Variants in AGPAT4 observed in about 807,000 individuals in gnomAD.
AGPAT4 encodes the protein 1-acylglycerol-3-phosphate O-acyltransferase 4.
Under a neutral mutation model 48.0 loss-of-function variants are expected in AGPAT4, and 15 were observed. The observed-to-expected ratio is 0.31, with a 90% CI of 0.21 to 0.48. AGPAT4 has a LOEUF of 0.48. AGPAT4 is among the 20% of genes least tolerant of loss of function. The pLI is 0.99. For missense variants in AGPAT4, 314 were observed against 482.5 expected (o/e 0.65, Z 3.27); for synonymous variants, 178 against 198.7 (o/e 0.90, Z 0.88).
rs372512632 is a variant in AGPAT4 at position 161,236,002 on chromosome 6, C to A, written c.-89-3700G>T. 2.8e-4 allele frequency among the ~76,000 whole-genome samples: 43 copies of A among 152,112 alleles called. No individual in the cohort carries two copies. Among genetic ancestry groups the A allele is most frequent in the African/African-American group, 9.7e-4 (40 of 41,402 alleles). Reference sequence around the variant, plus strand: ...GGCAATTAGCCAATTTCATGTCATGCCGAGGAAAGATGGTATAAATATCTG... The same window carrying A: ...GGCAATTAGCCAATTTCATGTCATGACGAGGAAAGATGGTATAAATATCTG... On this transcript the variant is annotated intron_variant, in intron 1 of 8. Transcript: ENST00000320285. The surrounding 1 kb of genome is among the most constrained non-coding windows in gnomAD (Gnocchi z 5.0).
chr6:161,150,469 A>C (rs1194413192), intron 5 of AGPAT4, among the ~76,000 whole-genome samples: 1 of 152,240 alleles, frequency 6.6e-6, no homozygotes, highest in Admixed American at 6.5e-5. Context: ...TGCAAGTATT[A>C]ATAAAAGGAG....
In AGPAT4 at chr6:161,166,223, AG is replaced by A; in HGVS notation, c.348+24del. On this transcript the variant is annotated intron_variant, in intron 3 of 8. Coordinates refer to ENST00000320285, the MANE Select transcript of AGPAT4 (RefSeq NM_020133.3). The surrounding 1 kb of genome is among the most constrained non-coding windows in gnomAD (Gnocchi z 6.7). ...GCTGAACCAGAGAAATGTGTGAGGC[AG>A]GGGGGAATGCACTTCTGACTTACCC... 1.2e-5 allele frequency: 20 copies of A among 1,611,034 alleles called. No homozygotes were observed. Among genetic ancestry groups the A allele is most frequent in the Non-Finnish European group, 1.6e-5 (19 of 1,178,314 alleles).
chr6:161,207,106 T>G (rs1781397488), intron 2 of AGPAT4, among the ~76,000 whole-genome samples: 1 of 152,220 alleles, frequency 6.6e-6, no homozygotes, highest in Admixed American at 6.5e-5. Flanking sequence ...TTTAAGAGTC[T>G]TATGTTTCTA....
chr6:161,184,354 G>A lies in AGPAT4; in HGVS notation c.179-17937C>T, dbSNP rs1424516014. 6.6e-6 allele frequency among the ~76,000 whole-genome samples: 1 copy of A among 152,140 alleles called. No homozygotes were observed. Among genetic ancestry groups the A allele is most frequent in the Non-Finnish European group, 1.5e-5 (1 of 68,034 alleles). On this transcript the variant is annotated intron_variant, in intron 2 of 8. Coordinates refer to ENST00000320285, the MANE Select transcript of AGPAT4 (RefSeq NM_020133.3). The surrounding 1 kb of genome is among the most constrained non-coding windows in gnomAD (Gnocchi z 4.8). ...GTAAGAGACAGAGGAGAATTCAGGAGTGAAGCTAAGGTTTTTGTCCTGAAT... is the reference window on the plus strand; with the variant it reads ...GTAAGAGACAGAGGAGAATTCAGGAATGAAGCTAAGGTTTTTGTCCTGAAT...
At position 161,198,770 on chromosome 6, in the gene AGPAT4, C is replaced by T. The variant is rs1049328114; in HGVS notation, c.179-32353G>A. On this transcript the variant is annotated intron_variant, in intron 2 of 8. Transcript: ENST00000320285. The surrounding 1 kb of genome is among the most constrained non-coding windows in gnomAD (Gnocchi z 4.3). ...CAGTCTGTTTTTTCCTTTACACTGACGGAGTGCGTGAATGTTAACAGGGAA... is the reference window on the plus strand; with the variant it reads ...CAGTCTGTTTTTTCCTTTACACTGATGGAGTGCGTGAATGTTAACAGGGAA... Among the ~76,000 whole-genome samples, 14 of 152,054 alleles carry T rather than the reference C, an allele frequency of 9.2e-5. No homozygotes were observed. Among genetic ancestry groups the T allele is most frequent in the East Asian group, 5.8e-4 (3 of 5,184 alleles).
rs1366267250 is a variant in AGPAT4, at chr6:161,242,698, A to G, written c.-89-10396T>C. On this transcript the variant is annotated intron_variant, in intron 1 of 8. Coordinates refer to ENST00000320285, the MANE Select transcript of AGPAT4 (RefSeq NM_020133.3). This position sits in a 1 kb window ranked among gnomAD's most constrained non-coding sequence, Gnocchi z 5.0. ...TTATCAACTCCTGATGAAAAATCCA[A>G]TATGATAAATCCAAACAGAAATGAA... is the stretch of plus-strand genomic sequence containing the variant. 2.6e-5 allele frequency among the ~76,000 whole-genome samples: 4 copies of G among 152,206 alleles called. No individual in the cohort carries two copies. The highest frequency in any genetic ancestry group is 6.5e-5 in the Admixed American group (1 of 15,274).
At position 161,166,059 on chromosome 6, in the gene AGPAT4, T is replaced by A. The variant is rs1371882336; in HGVS notation, c.348+189A>T. 1 of 720,434 alleles carries A rather than the reference T, an allele frequency of 1.4e-6. No individual in the cohort carries two copies. The highest frequency in any genetic ancestry group is 2.3e-6 in the Non-Finnish European group (1 of 431,348). The allele number at this position is 720,434 out of a possible 1,614,324, so 44.6% of individuals were successfully genotyped here. On this transcript the variant is annotated intron_variant, in intron 3 of 8. Transcript: ENST00000320285. This position sits in a 1 kb window ranked among gnomAD's most constrained non-coding sequence, Gnocchi z 6.7. ...GGTAGCAATTGTTGAGTACCTCTTA[T>A]GATTGCCCATAAGAAGCTGTTAAGA...
Position 161,245,238 on chromosome 6 carries a change from C to T in AGPAT4, c.-89-12936G>A, listed in dbSNP as rs564151860. Among the ~76,000 whole-genome samples the T allele has an allele frequency of 3.0e-4, 45 of 152,342 alleles. No individual in the cohort carries two copies. Among genetic ancestry groups the T allele is most frequent in the Admixed American group, 5.2e-4 (8 of 15,304 alleles). ...ATCCTCATCCCTTTGGTCACGTCACCTCTGCCATGCTCAGCTTCCTCCTTT... is the reference window on the plus strand; with the variant it reads ...ATCCTCATCCCTTTGGTCACGTCACTTCTGCCATGCTCAGCTTCCTCCTTT... On this transcript the variant is annotated intron_variant, in intron 1 of 8. Transcript: ENST00000320285. The surrounding 1 kb of genome is among the most constrained non-coding windows in gnomAD (Gnocchi z 5.2).
Position 161,255,445 on chromosome 6 carries a change from G to C in AGPAT4, c.-90+18493C>G, listed in dbSNP as rs569568904. 2.0e-5 allele frequency among the ~76,000 whole-genome samples: 3 copies of C among 152,246 alleles called. No homozygotes were observed. Among genetic ancestry groups the C allele is most frequent in the Admixed American group, 6.5e-5 (1 of 15,288 alleles). On this transcript the variant is annotated intron_variant, in intron 1 of 8. Transcript: ENST00000320285. This position sits in a 1 kb window ranked among gnomAD's most constrained non-coding sequence, Gnocchi z 4.7. The stretch of plus-strand genomic sequence containing the variant: ...CCACGTTCACGGCAGCGTTGCTCTC[G>C]ATAGCCAAAGGCCGAAACAGCCCCA...
Position 161,134,849 on chromosome 6 carries a change from T to G in AGPAT4, c.*1691A>C, listed in dbSNP as rs1309544716. 1 of 152,242 alleles carries G rather than the reference T, an allele frequency of 6.6e-6. No individual in the cohort carries two copies. Among genetic ancestry groups the G allele is most frequent in the Non-Finnish European group, 1.5e-5 (1 of 68,086 alleles). The allele number at this position is 152,242 out of a possible 1,614,324, so 9.4% of individuals were successfully genotyped here. On this transcript the variant is annotated 3_prime_UTR_variant, in exon 9 of 9. Transcript: ENST00000320285. ...ACGGTGCTTCATGCCCTGTGCAGGG[T>G]GGGCAGATGTGCTGGGCGCTCCCAT...
Position 161,196,052 on chromosome 6 carries a change from C to T in AGPAT4, c.179-29635G>A, listed in dbSNP as rs1328705514. 1.3e-5 allele frequency among the ~76,000 whole-genome samples: 2 copies of T among 152,180 alleles called. No homozygotes were observed. Among genetic ancestry groups the T allele is most frequent in the African/African-American group, 4.8e-5 (2 of 41,450 alleles). ...GAAGGTGCCAGGACTTTAGGATTTG[C>T]ATAACTTAATGAGGCTTAATGACCC... On this transcript the variant is annotated intron_variant, in intron 2 of 8. Coordinates refer to ENST00000320285, the MANE Select transcript of AGPAT4 (RefSeq NM_020133.3). This position sits in a 1 kb window ranked among gnomAD's most constrained non-coding sequence, Gnocchi z 4.3.
rs1783201104 is a variant in AGPAT4, at chr6:161,264,738, TGG to T, written c.-90+9198_-90+9199del. Among the ~76,000 whole-genome samples the T allele has an allele frequency of 6.6e-6, 1 of 151,940 alleles. No homozygotes were observed. The highest frequency in any genetic ancestry group is 1.5e-5 in the Non-Finnish European group (1 of 67,948). On this transcript the variant is annotated intron_variant, in intron 1 of 8. Transcript: ENST00000320285. This position sits in a 1 kb window ranked among gnomAD's most constrained non-coding sequence, Gnocchi z 6.8. ...GCTGAAAGGGGATTCTGGAGTTGGG[TGG>T]GGAGTTGGAATAACTGACCCCACTT...
rs563459214 is a variant in AGPAT4, at chr6:161,194,201, G to C, written c.179-27784C>G. Reference sequence around the variant, plus strand: ...TTTTACAATGGATACATTTTGAACTGGTAATATTTTGAATACATTATGTTA... The same window carrying C: ...TTTTACAATGGATACATTTTGAACTCGTAATATTTTGAATACATTATGTTA... On this transcript the variant is annotated intron_variant, in intron 2 of 8. Coordinates refer to ENST00000320285, the MANE Select transcript of AGPAT4 (RefSeq NM_020133.3). Among the ~76,000 whole-genome samples the C allele has an allele frequency of 3.9e-4, 59 of 152,190 alleles. 1 individual carries two copies. The South Asian group carries it at 0.011, about 29-fold the overall frequency.
Position 161,161,188 on chromosome 6 carries a change from C to T in AGPAT4, c.348+5060G>A, listed in dbSNP as rs1779921907. On this transcript the variant is annotated intron_variant, in intron 3 of 8. Coordinates refer to ENST00000320285, the MANE Select transcript of AGPAT4 (RefSeq NM_020133.3). The surrounding 1 kb of genome is among the most constrained non-coding windows in gnomAD (Gnocchi z 4.6). ...GACTCTGGCTTGTTAAAGACACTGC[C>T]AGAGGATCCTGGTCAACAAAGAAGA... The T allele has an allele frequency of 2.2e-6, 1 of 456,566 alleles. No individual in the cohort carries two copies. The highest frequency in any genetic ancestry group is 1.5e-5 in the South Asian group (1 of 64,576). The allele number at this position is 456,566 out of a possible 1,614,324, so 28.3% of individuals were successfully genotyped here. A position where few individuals can be genotyped will look rare whatever the true frequency, so the allele number is the denominator to read the frequency against.
intron 1 of AGPAT4, among the ~76,000 whole-genome samples, chr6:161,273,204 A>G (rs1242212793): frequency 1.3e-5 from 2 of 152,214 alleles, no homozygotes; most frequent in Non-Finnish European, 2.9e-5. Flanking sequence ...AGACTTACAT[A>G]AACATCAAAG....
intron 2 of AGPAT4, among the ~76,000 whole-genome samples, chr6:161,194,669 TA>T (rs1237588098): frequency 6.6e-6 from 1 of 151,976 alleles, no homozygotes; most frequent in Non-Finnish European, 1.5e-5. Context: ...TGTATGTGTG[TA>T]TAGATGCGTA....
In AGPAT4 at chr6:161,216,188, A is replaced by T. The variant is rs1448947577; in HGVS notation, c.178+15848T>A. ...TCTTAGACACAAATACAAGTTGGAG[A>T]TGTCTCTGAAAGGGTTCTGAACCCA... is the stretch of plus-strand genomic sequence containing the variant. On this transcript the variant is annotated intron_variant, in intron 2 of 8. Coordinates refer to ENST00000320285, the MANE Select transcript of AGPAT4 (RefSeq NM_020133.3). The surrounding 1 kb of genome is among the most constrained non-coding windows in gnomAD (Gnocchi z 4.8). Among the ~76,000 whole-genome samples, 1 of 152,316 alleles carries T rather than the reference A, an allele frequency of 6.6e-6. No homozygotes were observed. Among genetic ancestry groups the T allele is most frequent in the African/African-American group, 2.4e-5 (1 of 41,568 alleles).
chr6:161,228,951 T>C lies in AGPAT4; in HGVS notation c.178+3085A>G, dbSNP rs373527215. Reference sequence around the variant, plus strand: ...TTCAAGTTGTTATTTATGAGGTTGGTTGCTGCCACTAGAATAAAATTCTCT... The same window carrying C: ...TTCAAGTTGTTATTTATGAGGTTGGCTGCTGCCACTAGAATAAAATTCTCT... On this transcript the variant is annotated intron_variant, in intron 2 of 8. Coordinates refer to ENST00000320285, the MANE Select transcript of AGPAT4 (RefSeq NM_020133.3). Among the ~76,000 whole-genome samples the C allele has an allele frequency of 1.1e-4, 17 of 152,114 alleles. No homozygotes were observed. In the East Asian group the frequency reaches 1.2e-3, roughly 10 times the overall value.
At chr6:161,257,996 T>C (rs913528420) in intron 1 of AGPAT4, among the ~76,000 whole-genome samples, 6 of 152,200 alleles carry the variant, frequency 3.9e-5, no homozygotes, top group African/African-American at 1.4e-4. Flanking sequence ...CAACATGATT[T>C]AGTTTTGGCG....
Sources: gnomAD v4.1 joint callset for allele counts (sites outside exome capture counted in the v4.1 genomes callset) on GRCh38, gnomAD v4.1.1 for gene constraint, Gnocchi (gnomAD v3.1) non-coding constraint, MANE v1.5 for transcripts, NCBI Gene and HGNC (gene_info 2026-07-23, HGNC 2026-07-21) for gene names.